Variants in CADM2 observed in about 807,000 individuals in gnomAD.
CADM2 encodes immunoglobulin superfamily member 4D.
CADM2 carries 12 observed loss-of-function variants against 49.8 expected under a neutral mutation model. The ratio of observed to expected loss-of-function variants is 0.24; its 90% CI spans 0.15 to 0.39. The LOEUF is 0.39. Among genes scored for constraint, CADM2 ranks in the 10% least tolerant of loss-of-function variants. The pLI, the probability that CADM2 is intolerant of heterozygous loss-of-function variation, is 1.00. For synonymous variants in CADM2, 214 were observed against 175.4 expected (o/e 1.22, Z -1.74); for missense variants, 378 against 492.3 (o/e 0.77, Z 2.20).
chr3:85,497,480 A>T (rs2107658186), intron 1 of CADM2, among the ~76,000 whole-genome samples: 1 of 152,266 alleles, frequency 6.6e-6, no homozygotes, highest in South Asian at 2.1e-4. Flanking sequence ...CTTTTATTTG[A>T]TGAAAAAGAT....
chr3:85,205,187 T>C lies in CADM2; in HGVS notation c.61+245519T>C, dbSNP rs529239617. ...CAGGTGCCACCGTGCCTGGTTAATT[T>C]TTCTAAAAAAAAAATTGTAGAGACA... On this transcript the variant is annotated intron_variant, in intron 1 of 9. Transcript: ENST00000383699. Among the ~76,000 whole-genome samples the C allele has an allele frequency of 2.5e-3, 374 of 148,166 alleles. 2 individuals are homozygous for C. Among genetic ancestry groups the C allele is most frequent in the Non-Finnish European group, 2.3e-3 (155 of 67,944 alleles).
intron 1 of CADM2, among the ~76,000 whole-genome samples, chr3:85,394,513 T>G (rs2034673845): frequency 6.6e-6 from 1 of 152,206 alleles, no homozygotes; most frequent in Non-Finnish European, 1.5e-5. Flanking sequence ...AATAATTCAT[T>G]TTCAATTGTA....
At chr3:85,408,010 C>CAAAAAAAAAAAAAAAAAAAAAAAAAA in intron 1 of CADM2, among the ~76,000 whole-genome samples, 7 of 56,160 alleles carry the variant, frequency 1.2e-4, no homozygotes, top group Admixed American at 2.9e-4. Flanking sequence ...AAAACAAAAC[C>CAAAAAAAAAAAAAAAAAAAAAAAAAA]AAAAAAAAAA....
At chr3:85,951,888 G>A (rs1301781238) in intron 7 of CADM2, among the ~76,000 whole-genome samples, 2 of 150,904 alleles carry the variant, frequency 1.3e-5, no homozygotes, top group African/African-American at 4.8e-5. Context: ...ATAATGGATG[G>A]AGAAAGGGAA....
intron 4 of CADM2, 88 bp from the exon 5 acceptor site, chr3:85,886,102 A>G: frequency 6.4e-7 from 1 of 1,550,564 alleles, no homozygotes; most frequent in Admixed American, 1.9e-5. Flanking sequence ...TTAACCATCC[A>G]GTTCAGTTTC....
Position 85,959,007 on chromosome 3 carries a change from C to T in CADM2, c.792-2462C>T, listed in dbSNP as rs374220505. On this transcript the variant is annotated intron_variant, in intron 7 of 9. Coordinates refer to ENST00000383699, the MANE Select transcript of CADM2 (RefSeq NM_001167675.2). Reference sequence around the variant, plus strand: ...AAGCCTGCATGTTCTACACATGTTTCGTGGAACTTAAATTAAAAAAATCTA... The same window carrying T: ...AAGCCTGCATGTTCTACACATGTTTTGTGGAACTTAAATTAAAAAAATCTA... 1.1e-4 allele frequency among the ~76,000 whole-genome samples: 16 copies of T among 151,132 alleles called. No individual in the cohort carries two copies. The South Asian group carries it at 1.5e-3, about 14-fold the overall frequency.
intron 1 of CADM2, among the ~76,000 whole-genome samples, chr3:84,971,308 C>T (rs577751150): frequency 1.7e-4 from 26 of 152,020 alleles, no homozygotes; most frequent in East Asian, 5.8e-4. Flanking sequence ...ATTGATTTTA[C>T]GGAAAGATTT....
At chr3:85,270,726 A>G (rs975828582) in intron 1 of CADM2, among the ~76,000 whole-genome samples, 1 of 151,258 alleles carries the variant, frequency 6.6e-6, no homozygotes, top group African/African-American at 2.4e-5. Context: ...CCAAGGGCAT[A>G]AAAAAGCTCA....
At chr3:85,878,583 C>A (rs2108376004) in intron 3 of CADM2, among the ~76,000 whole-genome samples, 1 of 152,194 alleles carries the variant, frequency 6.6e-6, no homozygotes, top group East Asian at 1.9e-4. Context: ...TCCATGATAT[C>A]ATTCAGTTCT....
At chr3:85,904,221 A>G (rs912207839) in intron 5 of CADM2, among the ~76,000 whole-genome samples, 1 of 151,834 alleles carries the variant, frequency 6.6e-6, no homozygotes, top group Admixed American at 6.6e-5. Flanking sequence ...CTGGATTGAA[A>G]TCTCCCCTCT....
intron 1 of CADM2, among the ~76,000 whole-genome samples, chr3:85,626,714 T>C (rs529871930): frequency 2.0e-5 from 3 of 152,186 alleles, no homozygotes; most frequent in South Asian, 4.1e-4. Context: ...ACTATGAATA[T>C]TCTTATTTTT....
intron 2 of CADM2, among the ~76,000 whole-genome samples, chr3:85,783,467 C>T (rs1170015363): frequency 2.6e-5 from 4 of 152,094 alleles, no homozygotes; most frequent in African/African-American, 7.2e-5. Flanking sequence ...ATAAGGTTCC[C>T]ATTGGTCCAG....
At chr3:85,584,910 C>A (rs760129495) in intron 1 of CADM2, among the ~76,000 whole-genome samples, 4 of 152,036 alleles carry the variant, frequency 2.6e-5, no homozygotes, top group Admixed American at 6.6e-5. Context: ...TAAATTTAAT[C>A]TTCATCAGAG....
At position 85,299,284 on chromosome 3, in the gene CADM2, A is replaced by C. The variant is rs980082404; in HGVS notation, c.61+339616A>C. 3.3e-5 allele frequency among the ~76,000 whole-genome samples: 5 copies of C among 152,212 alleles called. No homozygotes were observed. In the East Asian group the frequency reaches 7.7e-4, roughly 24 times the overall value. On this transcript the variant is annotated intron_variant, in intron 1 of 9. Coordinates refer to ENST00000383699, the MANE Select transcript of CADM2 (RefSeq NM_001167675.2). ...TTCATAAGATTAAAAGCACCTATAA[A>C]TGTAAAACTGGGGATGCATATGGCC...
chr3:85,618,642 T>A (rs1287466876), intron 1 of CADM2, among the ~76,000 whole-genome samples: 2 of 152,148 alleles, frequency 1.3e-5, no homozygotes, highest in Non-Finnish European at 2.9e-5. Context: ...TGTATTTGTG[T>A]GCCTCTCTCT....
At chr3:85,406,914 G>T (rs371887755) in intron 1 of CADM2, among the ~76,000 whole-genome samples, 3 of 152,082 alleles carry the variant, frequency 2.0e-5, no homozygotes, top group African/African-American at 7.2e-5. Flanking sequence ...GACAAAATAC[G>T]ACCAGGGTAC....
At chr3:85,015,531 G>C (rs2034214234) in intron 1 of CADM2, among the ~76,000 whole-genome samples, 1 of 152,100 alleles carries the variant, frequency 6.6e-6, no homozygotes, top group African/African-American at 2.4e-5. Flanking sequence ...GAACTCTTCT[G>C]TTGAGAAAAT....
intron 1 of CADM2, among the ~76,000 whole-genome samples, chr3:85,063,050 T>C (rs2036393443): frequency 6.6e-6 from 1 of 151,968 alleles, no homozygotes; most frequent in Admixed American, 6.6e-5. Context: ...ACACTTCAAA[T>C]GGATTCACAA....
chr3:84,964,411 G>T (rs557201015), intron 1 of CADM2, among the ~76,000 whole-genome samples: 46 of 152,192 alleles, frequency 3.0e-4, no homozygotes, highest in African/African-American at 1.1e-3. Context: ...GGATTTGGGG[G>T]TACATTAATA....
Sources: allele counts gnomAD v4.1 joint callset (sites outside exome capture counted in the v4.1 genomes callset), GRCh38; gene constraint gnomAD v4.1.1; transcripts MANE v1.5; gene names NCBI Gene and HGNC (gene_info 2026-07-23, HGNC 2026-07-21).